Variants in P2RY8 observed in about 807,000 individuals in gnomAD.
The protein encoded by P2RY8 is P2Y receptor family member 8.
In P2RY8, 6 loss-of-function variants were observed where a neutral mutation model predicts 10.0. The ratio of observed to expected loss-of-function variants is 0.60; its 90% CI spans 0.33 to 1.19. The LOEUF (loss-of-function observed/expected upper bound fraction) is 1.19, where lower values mean the gene tolerates loss of function less well. Among genes scored for constraint, P2RY8 ranks in the 50% most tolerant of loss-of-function variants. P2RY8 has a pLI of 0.04. For synonymous variants in P2RY8, 276 were observed against 252.5 expected, an observed-to-expected ratio of 1.09 and a Z score of -0.88; for missense variants, 456 against 542.0, an observed-to-expected ratio of 0.84 and a Z score of 1.58.
At chrX:1,469,848 G>A (rs1220429035) in intron 1 of P2RY8, among the ~76,000 whole-genome samples, 3 of 152,002 alleles carry the variant, frequency 2.0e-5, no homozygotes, top group African/African-American at 4.8e-5. Flanking sequence ...GCAGTGAGCC[G>A]AGATCGCACC....
At chrX:1,499,160 TTTC>T (rs1462186951) in intron 1 of P2RY8, among the ~76,000 whole-genome samples, 6,970 of 97,970 alleles carry the variant, frequency 0.071, 481 homozygotes, top group African/African-American at 0.16. Flanking sequence ...TTCTTTTTCT[TTTC>T]TTTTTTTTTT....
At chrX:1,535,748 CACAA>C (rs1203001087) in intron 1 of P2RY8, among the ~76,000 whole-genome samples, 17 of 151,618 alleles carry the variant, frequency 1.1e-4, no homozygotes, top group Admixed American at 2.0e-4. Context: ...CACACACACA[CACAA>C]ACCCTTTTCT....
chrX:1,524,924 C>CCATCCATCCAT lies in P2RY8; in HGVS notation c.-25+11996_-25+11997insATGGATGGATG, dbSNP rs1395356249. Among the ~76,000 whole-genome samples the CCATCCATCCAT allele has an allele frequency of 5.9e-3, 604 of 102,608 alleles. 9 individuals carry two copies. Among genetic ancestry groups the CCATCCATCCAT allele is most frequent in the South Asian group, 0.017 (51 of 2,976 alleles). 67.3% of individuals were successfully genotyped at this position (102,608 alleles called of 152,430 possible). On this transcript the variant is annotated intron_variant, in intron 1 of 1. Coordinates refer to ENST00000381297, the MANE Select transcript of P2RY8 (RefSeq NM_178129.5). ...ATCCATCCATCCATCCATCCATCCA[C>CCATCCATCCAT]CCACCCATCCATCCACTCATTCATT...
Position 1,464,736 on chromosome X carries a change from G to A in P2RY8, c.*743C>T, listed in dbSNP as rs1370838412. 1 of 233,306 alleles carries A rather than the reference G, an allele frequency of 4.3e-6. No homozygotes were observed. Among genetic ancestry groups the A allele is most frequent in the Non-Finnish European group, 8.5e-6 (1 of 118,154 alleles). 14.5% of individuals were successfully genotyped at this position (233,306 alleles called of 1,614,324 possible). Reference sequence around the variant, plus strand: ...CAGAATAGGGGTGGGGTCCCACCAAGCCAGGCCAGAACAAATGTGCCAAAA... The same window carrying A: ...CAGAATAGGGGTGGGGTCCCACCAAACCAGGCCAGAACAAATGTGCCAAAA... On this transcript the variant is annotated 3_prime_UTR_variant, in exon 2 of 2. Transcript: ENST00000381297.
At chrX:1,499,375 AGG>A (rs2092152852) in intron 1 of P2RY8, among the ~76,000 whole-genome samples, 1 of 152,032 alleles carries the variant, frequency 6.6e-6, no homozygotes, top group East Asian at 1.9e-4. Context: ...CATGTTGGCC[AGG>A]CTGATCTCGA....
At chrX:1,508,399 A>T (rs1431872419) in intron 1 of P2RY8, among the ~76,000 whole-genome samples, 1 of 152,036 alleles carries the variant, frequency 6.6e-6, no homozygotes, top group African/African-American at 2.4e-5. Flanking sequence ...AACACACTAC[A>T]CTGCACGGGA....
chrX:1,508,291 G>GT (rs1205144882), intron 1 of P2RY8, among the ~76,000 whole-genome samples: 34 of 152,124 alleles, frequency 2.2e-4, no homozygotes, highest in African/African-American at 5.6e-4. Flanking sequence ...GGCCACTGTG[G>GT]TCCCCAGGGG....
intron 1 of P2RY8, among the ~76,000 whole-genome samples, chrX:1,467,541 G>T (rs1269922030): frequency 6.6e-6 from 1 of 152,220 alleles, no homozygotes; most frequent in South Asian, 2.1e-4. Context: ...TGGTGTGGCC[G>T]TGGGGGACGT....
At chrX:1,478,773 C>G (rs1251799177) in intron 1 of P2RY8, among the ~76,000 whole-genome samples, 1 of 151,962 alleles carries the variant, frequency 6.6e-6, no homozygotes, top group Non-Finnish European at 1.5e-5. Flanking sequence ...CCACTGCTCC[C>G]GGTACAGGTA....
rs770290247 is a variant in P2RY8 at position 1,464,311 on chromosome X, G to A, written c.*1168C>T. On this transcript the variant is annotated 3_prime_UTR_variant, in exon 2 of 2. Coordinates refer to ENST00000381297, the MANE Select transcript of P2RY8 (RefSeq NM_178129.5). ...GTTGGGGCTGGTGCAGGCACATGCC[G>A]TGTAGAAGAAGACAGACAAAGACCC... The A allele has an allele frequency of 2.6e-5, 6 of 233,528 alleles. No individual in the cohort carries two copies. The highest frequency in any genetic ancestry group is 3.6e-4 in the South Asian group (2 of 5,530). The allele number at this position is 233,528 out of a possible 1,614,324, so 14.5% of individuals were successfully genotyped here.
chrX:1,515,231 T>G (rs144754526), intron 1 of P2RY8, among the ~76,000 whole-genome samples: 6,178 of 150,050 alleles, frequency 0.041, 176 homozygotes, highest in Non-Finnish European at 0.064. Context: ...TTTTCTTTTA[T>G]TATTATTATT....
rs756838020 is a variant in P2RY8 at position 1,512,133 on chromosome X, G to C, written c.-25+24788C>G. On this transcript the variant is annotated intron_variant, in intron 1 of 1. Coordinates refer to ENST00000381297, the MANE Select transcript of P2RY8 (RefSeq NM_178129.5). Reference sequence around the variant, plus strand: ...GTGTCCTGGGGATATAGCAAACAATGACCCCACACTGGGGGTACTTAAACA... The same window carrying C: ...GTGTCCTGGGGATATAGCAAACAATCACCCCACACTGGGGGTACTTAAACA... Among the ~76,000 whole-genome samples the C allele has an allele frequency of 1.1e-4, 17 of 152,206 alleles. 1 individual carries two copies. The South Asian group carries it at 3.5e-3, about 32-fold the overall frequency.
intron 1 of P2RY8, among the ~76,000 whole-genome samples, chrX:1,498,400 T>C (rs62603025): frequency 0.66 from 80,383 of 122,582 alleles, 28,885 homozygotes; most frequent in East Asian, 0.8. Context: ...AGCGAGACTC[T>C]GTCTCAAAAA....
At chrX:1,468,013 G>C (rs1296751215) in intron 1 of P2RY8, among the ~76,000 whole-genome samples, 1 of 151,442 alleles carries the variant, frequency 6.6e-6, no homozygotes, top group Non-Finnish European at 1.5e-5. Flanking sequence ...ACACAGTTTT[G>C]CTACATTTCC....
At chrX:1,486,926 C>T (rs1379919338) in intron 1 of P2RY8, among the ~76,000 whole-genome samples, 1 of 152,232 alleles carries the variant, frequency 6.6e-6, no homozygotes, top group African/African-American at 2.4e-5. Context: ...CCGGTCACAG[C>T]CAGGCTGACC....
At chrX:1,536,525 G>C (rs1225564330) in intron 1 of P2RY8, among the ~76,000 whole-genome samples, 1 of 149,318 alleles carries the variant, frequency 6.7e-6, no homozygotes, top group Non-Finnish European at 1.5e-5. Flanking sequence ...GTCCCCCAAA[G>C]TGCTGGGATT....
intron 1 of P2RY8, among the ~76,000 whole-genome samples, chrX:1,517,160 T>C (rs1181854972): frequency 2.0e-5 from 3 of 150,274 alleles, no homozygotes; most frequent in Non-Finnish European, 4.4e-5. Flanking sequence ...CAATGTCTCT[T>C]GTTTCTAAGC....
chrX:1,529,061 C>G (rs1488525368), intron 1 of P2RY8, among the ~76,000 whole-genome samples: 1 of 152,100 alleles, frequency 6.6e-6, no homozygotes, highest in African/African-American at 2.4e-5. Flanking sequence ...GCATTTAGTC[C>G]TCGGGCAGAT....
At chrX:1,504,078 G>A (rs1202630001) in intron 1 of P2RY8, among the ~76,000 whole-genome samples, 4 of 152,038 alleles carry the variant, frequency 2.6e-5, no homozygotes, top group African/African-American at 7.2e-5. Flanking sequence ...AGCACTTTGG[G>A]AGGCCGAGGC....
Sources: allele counts gnomAD v4.1 joint callset (sites outside exome capture counted in the v4.1 genomes callset), GRCh38; gene constraint gnomAD v4.1.1; transcripts MANE v1.5; gene names NCBI Gene and HGNC (gene_info 2026-07-23, HGNC 2026-07-21).